The following SHISAL1 variants were observed in gnomAD, a reference collection of about 807,000 sequenced individuals.
SHISAL1 encodes protein shisa-like-1.
SHISAL1 carries 9 observed loss-of-function variants against 22.6 expected under a neutral mutation model. The observed-to-expected ratio is 0.40, with a 90% CI of 0.24 to 0.70. SHISAL1 has a LOEUF of 0.70. SHISAL1 is among the 30% of genes least tolerant of loss of function. The pLI is 0.39. For synonymous variants in SHISAL1, 119 were observed against 115.4 expected (o/e 1.03, Z -0.20); for missense variants, 246 against 270.6 (o/e 0.91, Z 0.64).
intron 1 of SHISAL1, among the ~76,000 whole-genome samples, chr22:44,311,348 C>T (rs1331367644): frequency 2.0e-5 from 3 of 152,198 alleles, no homozygotes; most frequent in African/African-American, 4.8e-5. Context: ...TGACCTCCAA[C>T]GTGGAAACCT....
At chr22:44,327,723 C>T in the SHISAL1 span, among the ~76,000 whole-genome samples, 1 of 151,978 alleles carries the variant, frequency 6.6e-6, no homozygotes, top group East Asian at 1.9e-4. Flanking sequence ...ATGGGGCCAC[C>T]CTCCTGCCAG....
At chr22:44,280,890 C>G (rs73888969) in intron 4 of SHISAL1, among the ~76,000 whole-genome samples, 5,811 of 152,206 alleles carry the variant, frequency 0.038, 367 homozygotes, top group African/African-American at 0.13. Context: ...GGAGCCACTG[C>G]CTGTGCCCCG....
chr22:44,328,160 A>G, the SHISAL1 span, among the ~76,000 whole-genome samples: 6 of 152,272 alleles, frequency 3.9e-5, no homozygotes, highest in African/African-American at 1.4e-4. Context: ...TAAACAGGAT[A>G]ATGACTAGAA....
chr22:44,272,887 G>A (rs956009120), intron 4 of SHISAL1, among the ~76,000 whole-genome samples: 6 of 152,222 alleles, frequency 3.9e-5, no homozygotes, highest in African/African-American at 1.4e-4. Flanking sequence ...CCTGGGCTTA[G>A]GAGTTCAAGT....
the SHISAL1 span, among the ~76,000 whole-genome samples, chr22:44,327,976 G>A: frequency 6.6e-6 from 1 of 152,186 alleles, no homozygotes; most frequent in African/African-American, 2.4e-5. Context: ...GGGCGCTGGG[G>A]AAGGGGCTCT....
At chr22:44,284,140 T>A (rs1236638619) in intron 4 of SHISAL1, among the ~76,000 whole-genome samples, 10 of 152,174 alleles carry the variant, frequency 6.6e-5, no homozygotes. Context: ...AAGCACAAGC[T>A]GATTTATGCA....
Position 44,260,827 on chromosome 22 carries a change from G to A in SHISAL1, c.*-11142C>T, listed in dbSNP as rs540685575. Among the ~76,000 whole-genome samples the A allele has an allele frequency of 2.0e-5, 3 of 152,154 alleles. No individual in the cohort carries two copies. The South Asian group carries it at 6.2e-4, about 32-fold the overall frequency. Reference sequence around the variant, plus strand: ...TGGGGGCAGCGTCACTCCTGACTTTGGCCGAGGCCTCCCCATGGTTGCCCC... The same window carrying A: ...TGGGGGCAGCGTCACTCCTGACTTTAGCCGAGGCCTCCCCATGGTTGCCCC... On this transcript the variant is annotated intron_variant, in intron 4 of 4. Transcript: ENST00000381176.
intron 2 of SHISAL1, among the ~76,000 whole-genome samples, chr22:44,297,618 T>C (rs1477822288): frequency 6.6e-6 from 1 of 152,260 alleles, no homozygotes; most frequent in Non-Finnish European, 1.5e-5. Context: ...CCCACCACTC[T>C]GCTCAGGGGC....
chr22:44,326,045 G>A, the SHISAL1 span, among the ~76,000 whole-genome samples: 1 of 151,676 alleles, frequency 6.6e-6, no homozygotes, highest in Admixed American at 6.6e-5. Context: ...GCCCCTCCTC[G>A]CCCCAGAACT....
At chr22:44,316,403 A>G, upstream of SHISAL1, among the ~76,000 whole-genome samples, 1 of 104,162 alleles carries the variant, frequency 9.6e-6, no homozygotes, top group South Asian at 3.9e-4. Context: ...GATCAGAACC[A>G]GGGTGGGGGG....
At chr22:44,292,818 C>T (rs2055361754) in intron 3 of SHISAL1, among the ~76,000 whole-genome samples, 1 of 152,236 alleles carries the variant, frequency 6.6e-6, no homozygotes, top group South Asian at 2.1e-4. Context: ...GAAGAGGCTT[C>T]CATGGCCCCT....
intron 4 of SHISAL1, among the ~76,000 whole-genome samples, chr22:44,281,496 A>G (rs1370127015): frequency 6.6e-6 from 1 of 151,996 alleles, no homozygotes; most frequent in Non-Finnish European, 1.5e-5. Context: ...CGCGCTGTGA[A>G]CTGAGTGTGC....
At chr22:44,265,124 G>C (rs1569210822) in intron 4 of SHISAL1, among the ~76,000 whole-genome samples, 1 of 152,164 alleles carries the variant, frequency 6.6e-6, no homozygotes, top group South Asian at 2.1e-4. Context: ...CCTGTGGTAC[G>C]CAGCCCTAAG....
chr22:44,307,381 G>A (rs1258872043), intron 1 of SHISAL1, among the ~76,000 whole-genome samples: 3 of 152,182 alleles, frequency 2.0e-5, no homozygotes, highest in African/African-American at 7.2e-5. Flanking sequence ...GAGGTGAAGT[G>A]ACTTGCCCAA....
chr22:44,310,631 G>A lies in SHISAL1; in HGVS notation c.-33+2120C>T, dbSNP rs1023660379. Among the ~76,000 whole-genome samples, 6 of 152,128 alleles carry A rather than the reference G, an allele frequency of 3.9e-5. No individual in the cohort carries two copies. In the South Asian group the frequency reaches 6.2e-4, roughly 16 times the overall value. ...AACATTAGCAGCTGATCCATAAACC[G>A]TTCTTATCCGATGTTGCCTACTCTA... On this transcript the variant is annotated intron_variant, in intron 1 of 4. Transcript: ENST00000381176. This position sits in a 1 kb window ranked among gnomAD's most constrained non-coding sequence, Gnocchi z 4.0.
At chr22:44,275,227 C>T (rs1274742819) in intron 4 of SHISAL1, among the ~76,000 whole-genome samples, 2 of 152,166 alleles carry the variant, frequency 1.3e-5, no homozygotes, top group African/African-American at 2.4e-5. Context: ...CTGCCACCTC[C>T]GGAAAGATTC....
chr22:44,251,639 G>A (rs2055048342), intron 4 of SHISAL1, among the ~76,000 whole-genome samples: 2 of 152,348 alleles, frequency 1.3e-5, no homozygotes, highest in Non-Finnish European at 2.9e-5. Flanking sequence ...CACATCTTAT[G>A]TGGATGGTGG....
intron 4 of SHISAL1, among the ~76,000 whole-genome samples, chr22:44,282,183 A>G (rs1192643328): frequency 2.0e-5 from 3 of 152,074 alleles, no homozygotes; most frequent in Admixed American, 1.3e-4. Context: ...TGGGGAGCCG[A>G]AGGCCTTGAG....
the SHISAL1 span, among the ~76,000 whole-genome samples, chr22:44,323,624 C>A: frequency 2.0e-5 from 3 of 147,944 alleles, no homozygotes; most frequent in Admixed American, 6.7e-5. Context: ...ATTCATCCAT[C>A]CATGCATCCA....
Sources: allele counts gnomAD v4.1 joint callset (sites outside exome capture counted in the v4.1 genomes callset), GRCh38; gene constraint gnomAD v4.1.1; non-coding constraint Gnocchi (gnomAD v3.1); transcripts MANE v1.5; gene names NCBI Gene and HGNC (gene_info 2026-07-23, HGNC 2026-07-21).